FAM178B: variants seen among roughly 807,000 people sequenced by gnomAD.
FAM178B encodes family with sequence similarity 178 member B.
Under a neutral mutation model 91.7 loss-of-function variants are expected in FAM178B, and 82 were observed. That is an observed-to-expected ratio of 0.89 (90% CI 0.75 to 1.07). FAM178B has a LOEUF of 1.07. Ranked by LOEUF, FAM178B falls within the 50% of genes least tolerant of loss-of-function variation. FAM178B has a pLI of 0.00. For missense variants in FAM178B, 769 were observed against 846.7 expected, an observed-to-expected ratio of 0.91 and a Z score of 1.14; for synonymous variants, 368 against 359.4, an observed-to-expected ratio of 1.02 and a Z score of -0.27.
intron 8 of FAM178B, among the ~76,000 whole-genome samples, chr2:96,934,804 C>T (rs557718066): frequency 6.6e-6 from 1 of 152,330 alleles, no homozygotes; most frequent in South Asian, 2.1e-4. Context: ...GCAGCCAGCT[C>T]TGAGGGTGCC....
At chr2:96,984,416 T>C (rs2082399079) in intron 1 of FAM178B, among the ~76,000 whole-genome samples, 1 of 152,162 alleles carries the variant, frequency 6.6e-6, no homozygotes, top group Admixed American at 6.5e-5. Context: ...ATGCAGTCTC[T>C]GCCCTAGAGG....
chr2:96,947,202 G>C (rs1016772709), intron 8 of FAM178B, among the ~76,000 whole-genome samples: 3 of 152,168 alleles, frequency 2.0e-5, no homozygotes, highest in Non-Finnish European at 4.4e-5. Context: ...CAGCCACTAG[G>C]GGGGGAAATT....
At chr2:96,965,622 C>T (rs2082133633) in intron 5 of FAM178B, among the ~76,000 whole-genome samples, 1 of 152,146 alleles carries the variant, frequency 6.6e-6, no homozygotes, top group African/African-American at 2.4e-5. Context: ...GCCAACACAT[C>T]TGTGTACTTT....
chr2:96,960,409 G>C lies in FAM178B; in HGVS notation c.766C>G (p.Gln256Glu). The change falls in exon 6 of 17, where the codon CAG becomes GAG. Residue 256 changes from glutamine to glutamate, a missense_variant. Gln to Glu is a conservative substitution (Grantham distance 29). Transcript: ENST00000490605. ...MLVEKYSVSL[Q>E]TIPPVHPGET... ...CCTGGATGGACCGGCGGGATGGTCT[G>C]CAGGGACACTGAGTACTTTTCCACC... 6.4e-7 allele frequency: 1 copy of C among 1,550,754 alleles called. No individual in the cohort carries two copies. The highest frequency in any genetic ancestry group is 1.2e-5 in the South Asian group (1 of 83,956).
At chr2:96,977,843 C>T (rs747250256) in intron 1 of FAM178B, 5 of 451,550 alleles carry the variant, frequency 1.1e-5, no homozygotes, top group African/African-American at 2.0e-5. Flanking sequence ...CCAGCGTTGA[C>T]GGTTTTTGCT....
intron 7 of FAM178B, among the ~76,000 whole-genome samples, chr2:96,950,673 T>C (rs775207457): frequency 6.6e-6 from 1 of 152,218 alleles, no homozygotes; most frequent in Admixed American, 6.5e-5. Context: ...GGTTGGCTCC[T>C]GTCCCTGCTG....
At chr2:96,900,767 C>T (rs1326769344) in intron 13 of FAM178B, among the ~76,000 whole-genome samples, 1 of 152,072 alleles carries the variant, frequency 6.6e-6, no homozygotes, top group African/African-American at 2.4e-5. Flanking sequence ...CGAAGCCGCT[C>T]AGACAACCCA....
chr2:96,883,554 G>A (rs1426407315), intron 14 of FAM178B, among the ~76,000 whole-genome samples: 3 of 152,258 alleles, frequency 2.0e-5, no homozygotes, highest in African/African-American at 7.2e-5. Context: ...AGGCAGACCT[G>A]TTTCTGGCAG....
chr2:96,880,883 C>T (rs1418718209), intron 14 of FAM178B, among the ~76,000 whole-genome samples: 4 of 152,302 alleles, frequency 2.6e-5, no homozygotes, highest in East Asian at 1.9e-4. Context: ...CGTGAGCCAC[C>T]GCGCCCGGCT....
chr2:96,962,626 T>C (rs2082097568), intron 5 of FAM178B, among the ~76,000 whole-genome samples: 1 of 152,188 alleles, frequency 6.6e-6, no homozygotes, highest in South Asian at 2.1e-4. Context: ...CTGTGCAGCC[T>C]AGAGCTGAGA....
chr2:96,963,673 C>T (rs996222701), intron 5 of FAM178B, among the ~76,000 whole-genome samples: 8 of 152,350 alleles, frequency 5.3e-5, no homozygotes, highest in African/African-American at 1.9e-4. Context: ...AGGCAAAGTA[C>T]AGCCTGCAGG....
At chr2:96,951,531 ACTT>A in intron 6 of FAM178B, 47 bp from the exon 7 acceptor site, 1 of 1,450,930 alleles carries the variant, frequency 6.9e-7, no homozygotes. Flanking sequence ...GTGCCAGCAC[ACTT>A]GTCTCGGTGA....
chr2:96,972,622 T>C lies in FAM178B; in HGVS notation c.74-16A>G, dbSNP rs1340468990. 2 of 1,550,254 alleles carry C rather than the reference T, an allele frequency of 1.3e-6. No individual in the cohort carries two copies. Among genetic ancestry groups the C allele is most frequent in the East Asian group, 4.9e-5 (2 of 40,922 alleles). On this transcript the variant is annotated splice_polypyrimidine_tract_variant and intron_variant, in intron 1 of 16. Coordinates refer to ENST00000490605, the MANE Select transcript of FAM178B (RefSeq NM_001122646.3). ...GACATCTGTCCTGGAAGGAAGCGCC[T>C]GTGAGGGCAGGTGAACCTCCAGAAG...
At chr2:96,900,826 G>A (rs114737753) in intron 13 of FAM178B, among the ~76,000 whole-genome samples, 2,982 of 152,288 alleles carry the variant, frequency 0.02, 56 homozygotes, top group South Asian at 0.068. Context: ...CACAGCACCT[G>A]GGACTCAGAC....
chr2:96,921,741 G>T, intron 10 of FAM178B, 87 bp from the exon 11 acceptor site: 1 of 1,349,944 alleles, frequency 7.4e-7, no homozygotes, highest in Non-Finnish European at 1.0e-6. Flanking sequence ...AGACACTTAG[G>T]CAGAAGGGAT....
chr2:96,975,315 T>G (rs1038681449), intron 1 of FAM178B, among the ~76,000 whole-genome samples: 1 of 152,118 alleles, frequency 6.6e-6, no homozygotes, highest in African/African-American at 2.4e-5. Context: ...ATTGTTAAGA[T>G]AGGAGATTTT....
chr2:96,915,020 G>A lies in FAM178B; in HGVS notation c.1562+6145C>T, dbSNP rs556439921. On this transcript the variant is annotated intron_variant, in intron 12 of 16. Transcript: ENST00000490605. ...GGGTGAGGGAAGGAGGAGTCTCCAC[G>A]GCTGTGTTTGCTGAGATGGAAAATG... Among the ~76,000 whole-genome samples the A allele has an allele frequency of 3.2e-3, 490 of 152,246 alleles. 6 individuals carry two copies. The highest frequency in any genetic ancestry group is 3.3e-3 in the South Asian group (16 of 4,824).
intron 5 of FAM178B, among the ~76,000 whole-genome samples, chr2:96,963,518 G>A (rs1175497146): frequency 3.3e-5 from 5 of 152,176 alleles, no homozygotes; most frequent in African/African-American, 7.2e-5. Context: ...CGTCATGGCC[G>A]GCTGCCTTTC....
At chr2:96,960,483 A>C in intron 5 of FAM178B, 43 bp from the exon 6 acceptor site, 6 of 1,502,482 alleles carry the variant, frequency 4.0e-6, no homozygotes, top group Non-Finnish European at 4.5e-6. Context: ...CAGCAGATGC[A>C]CCTCGGCCTG....
Sources: gnomAD v4.1 joint callset for allele counts (sites outside exome capture counted in the v4.1 genomes callset) on GRCh38, gnomAD v4.1.1 for gene constraint, MANE v1.5 for transcripts, NCBI Gene and HGNC (gene_info 2026-07-23, HGNC 2026-07-21) for gene names.